PPARD: variants seen among roughly 807,000 people sequenced by gnomAD.
PPARD encodes peroxisome proliferator activated receptor delta, also known as peroxisome proliferator-activated receptor delta.
Under a neutral mutation model 39.5 loss-of-function variants are expected in PPARD, and 6 were observed. That is an observed-to-expected ratio of 0.15 (90% confidence interval 0.08 to 0.30). PPARD has a LOEUF of 0.30. Ranked by LOEUF, PPARD falls within the 10% of genes least tolerant of loss-of-function variation. The pLI is 1.00. For missense variants in PPARD, 397 were observed against 596.8 expected, an observed-to-expected ratio of 0.67 and a Z score of 3.49; for synonymous variants, 210 against 231.3, an observed-to-expected ratio of 0.91 and a Z score of 0.83.
At chr6:35,399,029 C>T (rs1191356550) in intron 2 of PPARD, among the ~76,000 whole-genome samples, 1 of 151,976 alleles carries the variant, frequency 6.6e-6, no homozygotes, top group African/African-American at 2.4e-5. Flanking sequence ...GGGAGAATTG[C>T]TTGAATCCAG....
chr6:35,420,366 G>C, intron 4 of PPARD, 85 bp downstream of exon 4: 1 of 1,480,790 alleles, frequency 6.8e-7, no homozygotes, highest in Non-Finnish European at 9.0e-7. Flanking sequence ...CCTTGCCTTG[G>C]GGTGGGGCCC....
At chr6:35,402,742 G>T (rs1764786322) in intron 2 of PPARD, among the ~76,000 whole-genome samples, 1 of 152,176 alleles carries the variant, frequency 6.6e-6, no homozygotes, top group Non-Finnish European at 1.5e-5. Context: ...CCTTAAGAGG[G>T]TGGGGTGACC....
chr6:35,343,035 G>A (rs1791948391), intron 1 of PPARD, among the ~76,000 whole-genome samples: 1 of 152,034 alleles, frequency 6.6e-6, no homozygotes, highest in African/African-American at 2.4e-5. Context: ...TCTCAGGCCC[G>A]GGGGCCTCTC....
At chr6:35,356,813 G>A (rs539872308) in intron 2 of PPARD, among the ~76,000 whole-genome samples, 49 of 152,300 alleles carry the variant, frequency 3.2e-4, no homozygotes, top group African/African-American at 1.2e-3. Flanking sequence ...GGTCAGCTGG[G>A]TCCACTGGCG....
In PPARD at chr6:35,401,841, A is replaced by G. The variant is rs544521617; in HGVS notation, c.-101-9146A>G. 1.6e-4 allele frequency among the ~76,000 whole-genome samples: 25 copies of G among 152,334 alleles called. No homozygotes were observed. The highest frequency in any genetic ancestry group is 2.8e-4 in the Non-Finnish European group (19 of 68,026). On this transcript the variant is annotated intron_variant, in intron 2 of 7. Coordinates refer to ENST00000360694, the MANE Select transcript of PPARD (RefSeq NM_006238.5). The surrounding 1 kb of genome is among the most constrained non-coding windows in gnomAD (Gnocchi z 4.1). ...ATGAAACCAGCTGGCAGGGACCAGA[A>G]GGGCAGAGGGGCAGGGACAGTGTCC... is the stretch of plus-strand genomic sequence containing the variant.
Position 35,427,589 on chromosome 6 carries a change from C to G in PPARD, c.*1510C>G, listed in dbSNP as rs201591979. The G allele has an allele frequency of 3.9e-5, 6 of 152,452 alleles. No homozygotes were observed. The highest frequency in any genetic ancestry group is 1.4e-4 in the African/African-American group (6 of 41,460). 9.4% of individuals were successfully genotyped at this position (152,452 alleles called of 1,614,324 possible). ...GTGGGACCAGTCCCACACCGCTGGT[C>G]CCTGCCCTCCCCTGCTCCCAGGTTG... On this transcript the variant is annotated 3_prime_UTR_variant, in exon 8 of 8. Coordinates refer to ENST00000360694, the MANE Select transcript of PPARD (RefSeq NM_006238.5).
chr6:35,388,578 G>A (rs952689441), intron 2 of PPARD, among the ~76,000 whole-genome samples: 1 of 152,126 alleles, frequency 6.6e-6, no homozygotes, highest in Non-Finnish European at 1.5e-5. Flanking sequence ...CGGGCGTGGT[G>A]GCGCACACGT....
intron 2 of PPARD, among the ~76,000 whole-genome samples, chr6:35,357,189 A>G (rs1409693032): frequency 1.3e-5 from 2 of 152,208 alleles, no homozygotes; most frequent in Non-Finnish European, 2.9e-5. Flanking sequence ...CCTGGTGGTC[A>G]TGGCACTCTG....
intron 2 of PPARD, among the ~76,000 whole-genome samples, chr6:35,358,641 T>C (rs1300662989): frequency 6.6e-6 from 1 of 152,184 alleles, no homozygotes; most frequent in Non-Finnish European, 1.5e-5. Flanking sequence ...GGGGAGTTCT[T>C]GGAAGCAAGA....
chr6:35,407,711 A>G (rs985928905), intron 2 of PPARD, among the ~76,000 whole-genome samples: 1 of 151,180 alleles, frequency 6.6e-6, no homozygotes, highest in Non-Finnish European at 1.5e-5. Flanking sequence ...AAACTTTGAA[A>G]AAAAAGATTT....
chr6:35,375,976 A>G (rs919170264), intron 2 of PPARD, among the ~76,000 whole-genome samples: 2 of 152,234 alleles, frequency 1.3e-5, no homozygotes, highest in Non-Finnish European at 2.9e-5. Context: ...TATTCAATTA[A>G]TATATTTCTC....
intron 2 of PPARD, among the ~76,000 whole-genome samples, chr6:35,358,476 C>A (rs947986428): frequency 6.6e-6 from 1 of 152,198 alleles, no homozygotes; most frequent in Non-Finnish European, 1.5e-5. Context: ...CAGTAGGAAA[C>A]TAATACAGGG....
At chr6:35,372,470 C>T (rs1014107696) in intron 2 of PPARD, among the ~76,000 whole-genome samples, 1 of 152,226 alleles carries the variant, frequency 6.6e-6, no homozygotes, top group Non-Finnish European at 1.5e-5. Context: ...TGAGCCACCA[C>T]GTCCAGCCCA....
chr6:35,373,827 C>T (rs56175055), intron 2 of PPARD, among the ~76,000 whole-genome samples: 7,226 of 152,158 alleles, frequency 0.047, 342 homozygotes, highest in African/African-American at 0.12. Flanking sequence ...GCCACCACAC[C>T]TGGCTAATTT....
At chr6:35,400,939 A>C (rs1764660903) in intron 2 of PPARD, among the ~76,000 whole-genome samples, 1 of 152,160 alleles carries the variant, frequency 6.6e-6, no homozygotes, top group Admixed American at 6.5e-5. Flanking sequence ...GCTTGGGTGT[A>C]GTTGTCAAGC....
chr6:35,357,585 G>A (rs1761690818), intron 2 of PPARD, among the ~76,000 whole-genome samples: 1 of 151,200 alleles, frequency 6.6e-6, no homozygotes, highest in African/African-American at 2.4e-5. Flanking sequence ...GCCCCAGGCT[G>A]GAGCGCAGTG....
chr6:35,417,451 ATT>A (rs1176557824), intron 3 of PPARD, among the ~76,000 whole-genome samples: 2 of 139,968 alleles, frequency 1.4e-5, no homozygotes, highest in African/African-American at 5.3e-5. Flanking sequence ...ACACCCAACT[ATT>A]TTTTTTTTTT....
At chr6:35,405,257 T>G (rs1764963656) in intron 2 of PPARD, among the ~76,000 whole-genome samples, 1 of 152,048 alleles carries the variant, frequency 6.6e-6, no homozygotes, top group African/African-American at 2.4e-5. Flanking sequence ...CAGGGTAGTC[T>G]TGAACTCCTG....
At chr6:35,370,135 C>T (rs1271467434) in intron 2 of PPARD, among the ~76,000 whole-genome samples, 1 of 152,180 alleles carries the variant, frequency 6.6e-6, no homozygotes, top group African/African-American at 2.4e-5. Context: ...ATGATATTCT[C>T]TGACCTGTCA....
Sources: allele counts gnomAD v4.1 joint callset (sites outside exome capture counted in the v4.1 genomes callset), GRCh38; gene constraint gnomAD v4.1.1; non-coding constraint Gnocchi (gnomAD v3.1); transcripts MANE v1.5; gene names NCBI Gene and HGNC (gene_info 2026-07-23, HGNC 2026-07-21).